Variants in XRCC4 observed in about 807,000 individuals in gnomAD.
XRCC4 encodes the protein DNA repair protein XRCC4.
XRCC4 carries 28 observed loss-of-function variants against 39.1 expected under a neutral mutation model. The observed-to-expected ratio is 0.72, with a 90% CI of 0.53 to 0.98. The LOEUF (loss-of-function observed/expected upper bound fraction) is 0.98, where lower values mean the gene tolerates loss of function less well. Ranked by LOEUF, XRCC4 falls within the 50% of genes least tolerant of loss-of-function variation. The probability of loss-of-function intolerance (pLI) is 0.00; values close to 1 mark genes in which losing one functional copy is unlikely to be tolerated. For synonymous variants in XRCC4, 123 were observed against 126.4 expected (o/e 0.97, Z 0.18); for missense variants, 350 against 376.4 (o/e 0.93, Z 0.58).
At chr5:83,370,950 A>T in the XRCC4 span, among the ~76,000 whole-genome samples, 11 of 152,132 alleles carry the variant, frequency 7.2e-5, no homozygotes, top group African/African-American at 2.4e-4. Flanking sequence ...TCTGCTTTCC[A>T]CTGCCTTCAG....
intron 6 of XRCC4, among the ~76,000 whole-genome samples, chr5:83,213,624 T>C (rs1447793962): frequency 6.6e-6 from 1 of 152,170 alleles, no homozygotes; most frequent in African/African-American, 2.4e-5. Flanking sequence ...ACTGGTGTTT[T>C]CTATTGAAAA....
At chr5:83,134,098 C>T (rs534535916) in intron 3 of XRCC4, among the ~76,000 whole-genome samples, 68 of 152,324 alleles carry the variant, frequency 4.5e-4, no homozygotes, top group Non-Finnish European at 2.1e-4. Flanking sequence ...ATGCTTGGAC[C>T]GCTGTTCCCT....
chr5:83,124,402 C>T (rs1747159748), intron 3 of XRCC4, among the ~76,000 whole-genome samples: 1 of 152,036 alleles, frequency 6.6e-6, no homozygotes, highest in African/African-American at 2.4e-5. Flanking sequence ...TTTTCACTGA[C>T]CCTAATACTT....
intron 6 of XRCC4, among the ~76,000 whole-genome samples, chr5:83,247,018 G>A (rs971004419): frequency 2.6e-5 from 4 of 152,074 alleles, no homozygotes; most frequent in Admixed American, 1.3e-4. Context: ...CTTTGATTGT[G>A]TTTGCTAGGT....
At chr5:83,140,864 G>C (rs1748137149) in intron 3 of XRCC4, among the ~76,000 whole-genome samples, 1 of 152,022 alleles carries the variant, frequency 6.6e-6, no homozygotes, top group East Asian at 1.9e-4. Flanking sequence ...TACCTAAAAA[G>C]GTATATTCAG....
At chr5:83,195,296 T>C (rs745789597) in intron 3 of XRCC4, among the ~76,000 whole-genome samples, 6 of 152,184 alleles carry the variant, frequency 3.9e-5, no homozygotes, top group Non-Finnish European at 5.9e-5. Context: ...ACTGTGTAGC[T>C]ACTAGTTTCC....
intron 7 of XRCC4, among the ~76,000 whole-genome samples, chr5:83,343,256 T>C (rs1477506176): frequency 1.3e-5 from 2 of 152,126 alleles, no homozygotes; most frequent in East Asian, 3.9e-4. Context: ...AAGATGTATA[T>C]ACTTTTGTTA....
At chr5:83,160,676 A>G (rs1203198834) in intron 3 of XRCC4, among the ~76,000 whole-genome samples, 3 of 152,188 alleles carry the variant, frequency 2.0e-5, no homozygotes, top group Non-Finnish European at 4.4e-5. Flanking sequence ...ATGTTCATGT[A>G]GGAAGTTAGT....
At chr5:83,079,098 T>C (rs530187585) in intron 1 of XRCC4, among the ~76,000 whole-genome samples, 1 of 152,374 alleles carries the variant, frequency 6.6e-6, no homozygotes, top group Non-Finnish European at 1.5e-5. Flanking sequence ...TCAGGCTACC[T>C]GTGAAAAGCA....
At chr5:83,126,993 A>G (rs1312688762) in intron 3 of XRCC4, among the ~76,000 whole-genome samples, 1 of 152,076 alleles carries the variant, frequency 6.6e-6, no homozygotes, top group Non-Finnish European at 1.5e-5. Flanking sequence ...ATTGTGTTTT[A>G]GAGCGACAAA....
At chr5:83,313,909 T>C (rs1399022142) in intron 7 of XRCC4, among the ~76,000 whole-genome samples, 1 of 146,762 alleles carries the variant, frequency 6.8e-6, no homozygotes, top group Non-Finnish European at 1.5e-5. Context: ...CATTAAAATA[T>C]AAGTTTTATA....
intron 3 of XRCC4, among the ~76,000 whole-genome samples, chr5:83,186,581 C>T (rs369037156): frequency 6.6e-5 from 10 of 152,132 alleles, no homozygotes; most frequent in African/African-American, 2.4e-4. Flanking sequence ...CTAATCACAT[C>T]CCTAAAGTCC....
intron 4 of XRCC4, among the ~76,000 whole-genome samples, chr5:83,198,458 G>T (rs1751041467): frequency 6.6e-6 from 1 of 151,980 alleles, no homozygotes; most frequent in Non-Finnish European, 1.5e-5. Flanking sequence ...AAGGTGAGAT[G>T]TGCATCACCA....
chr5:83,272,577 T>C (rs1754180647), intron 7 of XRCC4, among the ~76,000 whole-genome samples: 1 of 152,044 alleles, frequency 6.6e-6, no homozygotes, highest in Admixed American at 6.6e-5. Context: ...TTCCCTCTTC[T>C]TTCCCCCCAC....
At chr5:83,135,782 T>C (rs1747869020) in intron 3 of XRCC4, among the ~76,000 whole-genome samples, 1 of 152,210 alleles carries the variant, frequency 6.6e-6, no homozygotes, top group Admixed American at 6.5e-5. Flanking sequence ...TATTTCAAGT[T>C]TTGTTTACAT....
intron 3 of XRCC4, among the ~76,000 whole-genome samples, chr5:83,171,252 C>T (rs1422323611): frequency 6.6e-6 from 1 of 152,090 alleles, no homozygotes; most frequent in East Asian, 1.9e-4. Flanking sequence ...GATACTTTTG[C>T]AAACAACTGA....
chr5:83,372,303 G>A, the XRCC4 span, among the ~76,000 whole-genome samples: 6 of 152,290 alleles, frequency 3.9e-5, no homozygotes, highest in Non-Finnish European at 8.8e-5. Context: ...TGTTTGCACT[G>A]TGGGAAGTCA....
downstream of XRCC4, among the ~76,000 whole-genome samples, chr5:83,355,908 G>A (rs1255481978): frequency 6.6e-6 from 1 of 152,148 alleles, no homozygotes; most frequent in Non-Finnish European, 1.5e-5. Flanking sequence ...AAAGTGCTAG[G>A]ATTACAGGCA....
chr5:83,175,267 T>A (rs4401555), intron 3 of XRCC4, among the ~76,000 whole-genome samples: 76,482 of 151,576 alleles, frequency 0.5, 20,501 homozygotes, highest in African/African-American at 0.69. Context: ...GGTAGTAGAA[T>A]ACATTATGGT....
Sources: allele counts gnomAD v4.1 joint callset (sites outside exome capture counted in the v4.1 genomes callset), GRCh38; gene constraint gnomAD v4.1.1; transcripts MANE v1.5; gene names NCBI Gene and HGNC (gene_info 2026-07-23, HGNC 2026-07-21).